Variants in SLC6A13 observed in about 807,000 individuals in gnomAD.
SLC6A13 encodes the protein solute carrier family 6 member 13, also known as sodium- and chloride-dependent GABA transporter 2.
In SLC6A13, 69 loss-of-function variants were observed where a neutral mutation model predicts 72.9. The ratio of observed to expected loss-of-function variants is 0.95; its 90% CI spans 0.78 to 1.16. The LOEUF (loss-of-function observed/expected upper bound fraction) is 1.16. SLC6A13 is among the 50% of genes most tolerant of loss of function. SLC6A13 has a pLI of 0.00. For missense variants in SLC6A13, 735 were observed against 760.5 expected, an observed-to-expected ratio of 0.97 and a Z score of 0.39; for synonymous variants, 303 against 303.0, an observed-to-expected ratio of 1.00 and a Z score of 0.00.
chr12:234,622 A>G (rs562864596), intron 7 of SLC6A13, among the ~76,000 whole-genome samples: 1 of 151,970 alleles, frequency 6.6e-6, no homozygotes. Flanking sequence ...GGTTCATGCC[A>G]TTCTCCTGCC....
intron 7 of SLC6A13, among the ~76,000 whole-genome samples, chr12:229,574 G>A (rs1941617550): frequency 6.6e-6 from 1 of 152,228 alleles, no homozygotes; most frequent in African/African-American, 2.4e-5. Context: ...CAGGGTCAGA[G>A]GTGTAAGGGC....
chr12:253,436 G>A (rs920465420), intron 2 of SLC6A13: 6 of 152,180 alleles, frequency 3.9e-5, no homozygotes, highest in African/African-American at 1.2e-4. Flanking sequence ...ATGAACACAC[G>A]AACAGTGCTT....
chr12:233,493 G>A (rs2137275806), intron 7 of SLC6A13, among the ~76,000 whole-genome samples: 1 of 152,306 alleles, frequency 6.6e-6, no homozygotes, highest in East Asian at 1.9e-4. Flanking sequence ...GAGACCCGGA[G>A]CCTCTGGACA....
chr12:245,840 G>T (rs571596464), intron 2 of SLC6A13, among the ~76,000 whole-genome samples: 1 of 152,020 alleles, frequency 6.6e-6, no homozygotes, highest in African/African-American at 2.4e-5. Context: ...AAAATTAGCT[G>T]GGCGCGGTGG....
chr12:224,940 C>T (rs918592459), intron 9 of SLC6A13, among the ~76,000 whole-genome samples: 1 of 152,142 alleles, frequency 6.6e-6, no homozygotes, highest in South Asian at 2.1e-4. Context: ...CCCAGCTCCT[C>T]GCGATGTTCC....
At chr12:248,396 C>T (rs149858504) in intron 2 of SLC6A13, among the ~76,000 whole-genome samples, 10 of 128,948 alleles carry the variant, frequency 7.8e-5, no homozygotes, top group East Asian at 6.2e-4. Flanking sequence ...AGCAAGACTC[C>T]GTCTCGGAAA....
intron 7 of SLC6A13, 93 bp downstream of exon 7, chr12:234,997 C>T: frequency 6.9e-7 from 1 of 1,454,956 alleles, no homozygotes; most frequent in East Asian, 2.3e-5. Flanking sequence ...TAGGGTAGTG[C>T]TAGGTGCGGG....
rs912643959 is a variant in SLC6A13 at position 242,699 on chromosome 12, A to C, written c.393T>G (p.Ile131Met). Residue 131 changes from isoleucine to methionine, a missense_variant, in exon 4 of 15, where the codon ATT becomes ATG. Physicochemically the swap from Ile to Met is conservative, Grantham distance 10. Coordinates refer to ENST00000343164, the MANE Select transcript of SLC6A13 (RefSeq NM_016615.5). ...GGTAGAACAGGGCCCAGGCCAACAC[A>C]ATGATGTAGTAGACGTTGAGGAGGA... ...IVILLNVYYI[I>M]VLAWALFYLF... 6.2e-7 allele frequency: 1 copy of C among 1,609,956 alleles called. No homozygotes were observed. Among genetic ancestry groups the C allele is most frequent in the African/African-American group, 1.3e-5 (1 of 74,896 alleles).
chr12:237,786 A>G, intron 5 of SLC6A13, 140 bp downstream of exon 5: 1 of 668,842 alleles, frequency 1.5e-6, no homozygotes, highest in Middle Eastern at 4.1e-4. Flanking sequence ...AATAACCACA[A>G]ACATAGGCAC....
chr12:223,962 C>A (rs1941327498), intron 11 of SLC6A13, 30 bp downstream of exon 11: 2 of 1,612,112 alleles, frequency 1.2e-6, no homozygotes, highest in Non-Finnish European at 1.7e-6. Flanking sequence ...CTCCTCCTCC[C>A]CAGCCTTCCC....
intron 2 of SLC6A13, among the ~76,000 whole-genome samples, chr12:258,705 T>C (rs921763984): frequency 6.6e-6 from 1 of 151,802 alleles, no homozygotes; most frequent in Admixed American, 6.6e-5. Flanking sequence ...TCCCTGACTG[T>C]GGGTTAGTGG....
chr12:260,452 T>C lies in SLC6A13; in HGVS notation c.-5-395A>G, dbSNP rs1407906202. On this transcript the variant is annotated intron_variant, in intron 1 of 14. Transcript: ENST00000343164. Reference sequence around the variant, plus strand: ...TGTTTACTCTGTATGCTGGGACACGTTGAAAGGATGGGATTTTACATGTCC... The same window carrying C: ...TGTTTACTCTGTATGCTGGGACACGCTGAAAGGATGGGATTTTACATGTCC... Among the ~76,000 whole-genome samples, 3 of 152,330 alleles carry C rather than the reference T, an allele frequency of 2.0e-5. No homozygotes were observed. The East Asian group carries it at 5.8e-4, about 29-fold the overall frequency.
At chr12:234,270 A>C (rs1260281438) in intron 7 of SLC6A13, among the ~76,000 whole-genome samples, 1 of 152,222 alleles carries the variant, frequency 6.6e-6, no homozygotes, top group East Asian at 1.9e-4. Flanking sequence ...GACAGTTTAC[A>C]AATGCCATGG....
At position 243,818 on chromosome 12, in the gene SLC6A13, G is replaced by A. The variant is rs749611697; in HGVS notation, c.203-5C>T. The stretch of plus-strand genomic sequence containing the variant: ...GGTAGGGGATGAAGAAGGCACCTGT[G>A]GTTAGAAAACAGGCTGTTCATTTCC... On this transcript the variant is annotated splice_polypyrimidine_tract_variant and splice_region_variant and intron_variant, in intron 2 of 14. Transcript: ENST00000343164. 4 of 1,613,362 alleles carry A rather than the reference G, an allele frequency of 2.5e-6. No homozygotes were observed. The East Asian group carries it at 8.9e-5, about 36-fold the overall frequency.
At position 220,717 on chromosome 12, in the gene SLC6A13, A is replaced by G; in HGVS notation, c.*231T>C. 1 of 484,768 alleles carries G rather than the reference A, an allele frequency of 2.1e-6. No individual in the cohort carries two copies. Among genetic ancestry groups the G allele is most frequent in the Non-Finnish European group, 3.7e-6 (1 of 273,062 alleles). The allele number at this position is 484,768 out of a possible 1,614,324, so 30.0% of individuals were successfully genotyped here. A position where few individuals can be genotyped will look rare whatever the true frequency, so the allele number is the denominator to read the frequency against. On this transcript the variant is annotated 3_prime_UTR_variant, in exon 15 of 15. Transcript: ENST00000343164. ...CTACCAGCCCCCACCCAGCTTCCCA[A>G]GGGTCTCAGAGGGACACTCTTGGCA...
chr12:257,792 T>C (rs1473864002), intron 2 of SLC6A13, among the ~76,000 whole-genome samples: 1 of 152,138 alleles, frequency 6.6e-6, no homozygotes, highest in Non-Finnish European at 1.5e-5. Context: ...TCCCCTCCAC[T>C]TTCCCCTGTC....
chr12:224,373 C>A, intron 10 of SLC6A13, 28 bp downstream of exon 10: 1 of 1,578,890 alleles, frequency 6.3e-7, no homozygotes, highest in South Asian at 1.1e-5. Context: ...ACTCATCTCT[C>A]AGCCTCTGAG....
chr12:240,841 C>T (rs922713353), intron 4 of SLC6A13, among the ~76,000 whole-genome samples: 1 of 152,084 alleles, frequency 6.6e-6, no homozygotes, highest in Non-Finnish European at 1.5e-5. Context: ...TGCACAAAGA[C>T]GTGCCTGGAA....
Position 237,309 on chromosome 12 carries a change from A to T in SLC6A13, c.564-19T>A. 1 of 1,613,142 alleles carries T rather than the reference A, an allele frequency of 6.2e-7. No individual in the cohort carries two copies. Among genetic ancestry groups the T allele is most frequent in the East Asian group, 2.2e-5 (1 of 44,868 alleles). ...CCGCCGCCTGGGGAGAGAAGGGTTG[A>T]ACCTGGCTTACTTTTTCTGCCAGCC... On this transcript the variant is annotated intron_variant, in intron 5 of 14. Transcript: ENST00000343164.
Sources: allele counts gnomAD v4.1 joint callset (sites outside exome capture counted in the v4.1 genomes callset), GRCh38; gene constraint gnomAD v4.1.1; transcripts MANE v1.5; gene names NCBI Gene and HGNC (gene_info 2026-07-23, HGNC 2026-07-21).